IQGAP2: variants seen among roughly 807,000 people sequenced by gnomAD.
The protein encoded by IQGAP2 is IQ motif containing GTPase activating protein 2.
Under a neutral mutation model 201.3 loss-of-function variants are expected in IQGAP2, and 173 were observed. The observed-to-expected ratio is 0.86, with a 90% confidence interval of 0.76 to 0.98. The LOEUF is 0.98. Ranked by LOEUF, IQGAP2 falls within the 50% of genes least tolerant of loss-of-function variation. The probability of loss-of-function intolerance (pLI) is 0.00; values close to 1 mark genes in which losing one functional copy is unlikely to be tolerated. For synonymous variants in IQGAP2, 675 were observed against 673.9 expected, an observed-to-expected ratio of 1.00 and a Z score of -0.03; for missense variants, 1,687 against 1,864.8, an observed-to-expected ratio of 0.90 and a Z score of 1.76.
intron 2 of IQGAP2, among the ~76,000 whole-genome samples, chr5:76,550,697 A>G (rs1230893581): frequency 2.0e-5 from 3 of 152,212 alleles, no homozygotes; most frequent in Non-Finnish European, 4.4e-5. Context: ...CAGGATCACA[A>G]GGCAGAAGAA....
At chr5:76,681,013 C>G (rs1580805725) in intron 28 of IQGAP2, among the ~76,000 whole-genome samples, 1 of 135,988 alleles carries the variant, frequency 7.4e-6, no homozygotes, top group Non-Finnish European at 1.5e-5. Flanking sequence ...GGCTGAGGCA[C>G]GAGAGTCACT....
intron 4 of IQGAP2, among the ~76,000 whole-genome samples, chr5:76,571,998 A>G (rs1244728641): frequency 1.3e-5 from 2 of 152,190 alleles, no homozygotes; most frequent in Admixed American, 6.5e-5. Context: ...CACACAGAAG[A>G]GTGGTCCTTC....
rs200990534 is a variant in IQGAP2, at chr5:76,570,658, G to A, written c.381+1G>A. Reference sequence around the variant, plus strand: ...GATGGAGTCTATTGGTCTACCCAAGGTAAGCCTTCACGCACTGGAATCTGA... The same window carrying A: ...GATGGAGTCTATTGGTCTACCCAAGATAAGCCTTCACGCACTGGAATCTGA... On this transcript the variant is annotated splice_donor_variant, in intron 4 of 35. Transcript: ENST00000274364. LOFTEE classifies it high-confidence loss of function. 1.2e-6 allele frequency: 2 copies of A among 1,608,616 alleles called. No individual in the cohort carries two copies. Among genetic ancestry groups the A allele is most frequent in the Non-Finnish European group, 1.7e-6 (2 of 1,175,054 alleles).
At chr5:76,430,385 G>T (rs1252984526) in intron 1 of IQGAP2, among the ~76,000 whole-genome samples, 1 of 152,172 alleles carries the variant, frequency 6.6e-6, no homozygotes, top group Non-Finnish European at 1.5e-5. Context: ...TGACTCGAAG[G>T]CTGGACTCAG....
intron 13 of IQGAP2, among the ~76,000 whole-genome samples, chr5:76,624,133 A>G (rs1750004185): frequency 6.6e-6 from 1 of 152,098 alleles, no homozygotes; most frequent in Non-Finnish European, 1.5e-5. Flanking sequence ...ATAGTGGTAA[A>G]ATATACGTAA....
At chr5:76,465,970 C>T (rs1295261763) in intron 2 of IQGAP2, among the ~76,000 whole-genome samples, 1 of 151,936 alleles carries the variant, frequency 6.6e-6, no homozygotes. Flanking sequence ...TTTATAGATT[C>T]AATACAGTTT....
At chr5:76,428,788 C>CT (rs1371606627) in intron 1 of IQGAP2, among the ~76,000 whole-genome samples, 7 of 60,600 alleles carry the variant, frequency 1.2e-4, no homozygotes, top group Middle Eastern at 0.022. Context: ...AACCAACTTA[C>CT]TTAAAAAAAA....
intron 13 of IQGAP2, among the ~76,000 whole-genome samples, chr5:76,625,227 T>A (rs895411085): frequency 1.6e-4 from 25 of 152,360 alleles, no homozygotes; most frequent in African/African-American, 5.3e-4. Context: ...AGACTAATAC[T>A]TTAAGCTTTG....
At chr5:76,442,864 G>A (rs972719937) in intron 1 of IQGAP2, among the ~76,000 whole-genome samples, 6 of 152,196 alleles carry the variant, frequency 3.9e-5, no homozygotes, top group Non-Finnish European at 8.8e-5. Flanking sequence ...GTGGGTGCCT[G>A]TAATCCCAGC....
chr5:76,623,386 G>T, intron 13 of IQGAP2: 1 of 751,504 alleles, frequency 1.3e-6, no homozygotes, highest in Non-Finnish European at 2.2e-6. Context: ...AACTTGCCCT[G>T]GTCCTCCGCA....
At chr5:76,438,027 T>TTG (rs1752807908) in intron 1 of IQGAP2, among the ~76,000 whole-genome samples, 1 of 42,222 alleles carries the variant, frequency 2.4e-5, no homozygotes, top group African/African-American at 7.1e-5. Flanking sequence ...TTTTTTTTTT[T>TTG]TTTGTTTGTT....
intron 13 of IQGAP2, among the ~76,000 whole-genome samples, chr5:76,620,074 T>C (rs1749487369): frequency 6.6e-6 from 1 of 152,214 alleles, no homozygotes; most frequent in Non-Finnish European, 1.5e-5. Flanking sequence ...GCCTTGATTT[T>C]AAGACCTCTG....
intron 1 of IQGAP2, among the ~76,000 whole-genome samples, chr5:76,460,143 G>C (rs1214762009): frequency 2.0e-5 from 3 of 152,160 alleles, no homozygotes; most frequent in African/African-American, 7.2e-5. Flanking sequence ...CTGATTTACA[G>C]TGGGGGGCTT....
In IQGAP2 at chr5:76,674,700, A is replaced by T. The variant is rs369959488; in HGVS notation, c.3518A>T (p.Gln1173Leu). Residue 1173 changes from glutamine (Q) to leucine (L), a missense_variant, in exon 27 of 36, where the codon CAG (glutamine) becomes CTG (leucine). Transcript: ENST00000274364. ...SMNNYLSETY[Q>L]EFRKYFKEAC... ...AACAATTATTTATCAGAGACGTATC[A>T]GGAATTCAGGTGAGAGGGGCCCTTA... 5.6e-6 allele frequency: 9 copies of T among 1,610,460 alleles called. No individual in the cohort carries two copies. The highest frequency in any genetic ancestry group is 3.3e-4 in the Middle Eastern group (2 of 6,078).
At chr5:76,637,531 C>T (rs1751245213) in intron 16 of IQGAP2, among the ~76,000 whole-genome samples, 2 of 152,140 alleles carry the variant, frequency 1.3e-5, no homozygotes, top group African/African-American at 4.8e-5. Flanking sequence ...TCTTTCCCCC[C>T]ATCTCAGCCT....
chr5:76,674,825 G>A, intron 27 of IQGAP2, 116 bp downstream of exon 27: 2 of 718,978 alleles, frequency 2.8e-6, no homozygotes, highest in Non-Finnish European at 4.7e-6. Flanking sequence ...GTGGTTACAA[G>A]CATTTCTTCT....
At chr5:76,421,059 T>C (rs1283464159) in intron 1 of IQGAP2, among the ~76,000 whole-genome samples, 1 of 152,184 alleles carries the variant, frequency 6.6e-6, no homozygotes. Flanking sequence ...TGTTTGAGCC[T>C]TTGCTTTAGT....
intron 1 of IQGAP2, among the ~76,000 whole-genome samples, chr5:76,409,399 A>G (rs906593555): frequency 1.3e-5 from 2 of 151,742 alleles, no homozygotes; most frequent in Non-Finnish European, 2.9e-5. Flanking sequence ...GTCATGTACC[A>G]CCATGCCTGG....
At chr5:76,613,082 C>T (rs1748556581) in intron 13 of IQGAP2, among the ~76,000 whole-genome samples, 2 of 152,214 alleles carry the variant, frequency 1.3e-5, no homozygotes, top group Non-Finnish European at 2.9e-5. Context: ...TTGCCAAGCG[C>T]CCCCACTCAC....
Sources: gnomAD v4.1 joint callset for allele counts (sites outside exome capture counted in the v4.1 genomes callset) on GRCh38, gnomAD v4.1.1 for gene constraint, MANE v1.5 for transcripts, NCBI Gene and HGNC (gene_info 2026-07-23, HGNC 2026-07-21) for gene names.